Variants in PTPN3 observed in about 807,000 individuals in gnomAD.
PTPN3 encodes the protein protein tyrosine phosphatase non-receptor type 3, also known as tyrosine-protein phosphatase non-receptor type 3.
In PTPN3, 96 loss-of-function variants were observed where a neutral mutation model predicts 132.7. The observed-to-expected ratio is 0.72, with a 90% CI of 0.61 to 0.86. The LOEUF (loss-of-function observed/expected upper bound fraction) is 0.86. PTPN3 is among the 40% of genes least tolerant of loss of function. The pLI is 0.00. For synonymous variants in PTPN3, 398 were observed against 429.0 expected (o/e 0.93, Z 0.89); for missense variants, 1,125 against 1,159.6 (o/e 0.97, Z 0.43).
At chr9:109,469,952 C>CT (rs1213254496) in intron 1 of PTPN3, among the ~76,000 whole-genome samples, 8 of 152,120 alleles carry the variant, frequency 5.3e-5, no homozygotes, top group Non-Finnish European at 1.2e-4. Context: ...TTCAAAAATC[C>CT]TTTTTGCAGT....
chr9:109,474,172 T>C (rs1588485754), intron 1 of PTPN3, among the ~76,000 whole-genome samples: 2 of 151,998 alleles, frequency 1.3e-5, no homozygotes, highest in South Asian at 2.1e-4. Flanking sequence ...GGGAGAAAAA[T>C]AGGGCAAATG....
intron 10 of PTPN3, among the ~76,000 whole-genome samples, chr9:109,432,096 A>G (rs1262669871): frequency 1.3e-5 from 2 of 149,022 alleles, no homozygotes; most frequent in Non-Finnish European, 3.0e-5. Context: ...TTATATTACT[A>G]ACTCATTAAT....
At chr9:109,468,781 A>G (rs945780318) in intron 1 of PTPN3, among the ~76,000 whole-genome samples, 1 of 152,258 alleles carries the variant, frequency 6.6e-6, no homozygotes, top group African/African-American at 2.4e-5. Flanking sequence ...TGCACATGGA[A>G]AGTGCCTAGC....
At chr9:109,393,580 T>A (rs1050972558) in intron 19 of PTPN3, among the ~76,000 whole-genome samples, 1 of 151,938 alleles carries the variant, frequency 6.6e-6, no homozygotes, top group African/African-American at 2.4e-5. Flanking sequence ...AGAGACAGGG[T>A]TTCATCATGT....
At chr9:109,474,629 A>G (rs765814296) in intron 1 of PTPN3, among the ~76,000 whole-genome samples, 10 of 152,158 alleles carry the variant, frequency 6.6e-5, no homozygotes, top group East Asian at 1.9e-4. Context: ...GTTGGGGGGG[A>G]AAATGCACGC....
chr9:109,469,707 A>G (rs1472368937), intron 1 of PTPN3, among the ~76,000 whole-genome samples: 2 of 152,190 alleles, frequency 1.3e-5, no homozygotes, highest in East Asian at 3.8e-4. Flanking sequence ...GTTCCGTTGA[A>G]AAAAAGGAGG....
At chr9:109,482,902 A>T (rs757792031) in intron 1 of PTPN3, among the ~76,000 whole-genome samples, 4 of 152,132 alleles carry the variant, frequency 2.6e-5, no homozygotes, top group Non-Finnish European at 5.9e-5. Flanking sequence ...CCTCGTCAGC[A>T]CTCGCAGGTG....
intron 2 of PTPN3, 136 bp downstream of exon 2, chr9:109,463,161 T>A: frequency 2.1e-6 from 2 of 955,562 alleles, no homozygotes; most frequent in Non-Finnish European, 3.0e-6. Flanking sequence ...TCCAGTGCAA[T>A]CTCAACATAC....
chr9:109,415,844 T>C (rs1842447447), intron 14 of PTPN3, among the ~76,000 whole-genome samples: 2 of 152,144 alleles, frequency 1.3e-5, no homozygotes, highest in Admixed American at 6.5e-5. Flanking sequence ...GGAACAGCCA[T>C]GGGCTGGACA....
chr9:109,429,015 C>G, intron 10 of PTPN3: 8 of 985,446 alleles, frequency 8.1e-6, no homozygotes, highest in Non-Finnish European at 8.4e-6. Flanking sequence ...GGGAAGACAG[C>G]TGAGAGCAGC....
intron 12 of PTPN3, among the ~76,000 whole-genome samples, chr9:109,425,369 C>T (rs1050680655): frequency 6.6e-6 from 1 of 152,158 alleles, no homozygotes; most frequent in African/African-American, 2.4e-5. Context: ...TAGTAATAGC[C>T]ACATCAACAA....
chr9:109,471,480 C>T (rs1485050851), intron 1 of PTPN3, among the ~76,000 whole-genome samples: 2 of 152,150 alleles, frequency 1.3e-5, no homozygotes, highest in East Asian at 3.9e-4. Context: ...GCATGTATCT[C>T]CCCCTAATAA....
At chr9:109,419,065 C>T (rs888048418) in intron 14 of PTPN3, among the ~76,000 whole-genome samples, 1 of 152,254 alleles carries the variant, frequency 6.6e-6, no homozygotes, top group Non-Finnish European at 1.5e-5. Flanking sequence ...AAGGAACTCA[C>T]AATCATCCAC....
intron 14 of PTPN3, among the ~76,000 whole-genome samples, chr9:109,415,974 C>T (rs147375855): frequency 6.6e-6 from 1 of 152,254 alleles, no homozygotes; most frequent in Non-Finnish European, 1.5e-5. Context: ...ACACTCTGAA[C>T]AAAACCCTGT....
the PTPN3 span, among the ~76,000 whole-genome samples, chr9:109,516,157 A>G: frequency 6.6e-6 from 1 of 152,208 alleles, no homozygotes. Flanking sequence ...GCAAGAGGCT[A>G]TTACTAATTC....
chr9:109,465,589 A>G (rs1846059305), intron 1 of PTPN3, among the ~76,000 whole-genome samples: 1 of 151,668 alleles, frequency 6.6e-6, no homozygotes, highest in Non-Finnish European at 1.5e-5. Flanking sequence ...TGCGCCAGTA[A>G]TCCCAGCTAC....
intron 1 of PTPN3, among the ~76,000 whole-genome samples, chr9:109,489,915 C>G (rs1847379518): frequency 6.6e-6 from 1 of 152,118 alleles, no homozygotes; most frequent in South Asian, 2.1e-4. Context: ...GGTGGGGTGG[C>G]TCATGCCTAT....
At chr9:109,535,802 T>A in the PTPN3 span, among the ~76,000 whole-genome samples, 3 of 152,196 alleles carry the variant, frequency 2.0e-5, no homozygotes, top group African/African-American at 7.2e-5. Flanking sequence ...CCACTGCACC[T>A]GGACATACAT....
At chr9:109,490,148 A>T (rs1389186276) in intron 1 of PTPN3, among the ~76,000 whole-genome samples, 1 of 151,992 alleles carries the variant, frequency 6.6e-6, no homozygotes. Context: ...GCGCCACTGC[A>T]CTCTAGCCTG....
Sources: allele counts gnomAD v4.1 joint callset (sites outside exome capture counted in the v4.1 genomes callset), GRCh38; gene constraint gnomAD v4.1.1; transcripts MANE v1.5; gene names NCBI Gene and HGNC (gene_info 2026-07-23, HGNC 2026-07-21).